SLC24A3: variants seen among roughly 807,000 people sequenced by gnomAD.
SLC24A3 encodes sodium/potassium/calcium exchanger 3.
SLC24A3 carries 28 observed loss-of-function variants against 75.8 expected under a neutral mutation model. The observed-to-expected ratio is 0.37, with a 90% CI of 0.27 to 0.51. The LOEUF is 0.51. Among genes scored for constraint, SLC24A3 ranks in the 20% least tolerant of loss-of-function variants. SLC24A3 has a pLI of 0.94. For synonymous variants in SLC24A3, 372 were observed against 334.1 expected (o/e 1.11, Z -1.24); for missense variants, 663 against 847.8 (o/e 0.78, Z 2.71).
intron 15 of SLC24A3, among the ~76,000 whole-genome samples, chr20:19,707,531 C>CT (rs2032943662): frequency 6.6e-6 from 1 of 152,210 alleles, no homozygotes; most frequent in Non-Finnish European, 1.5e-5. Context: ...GCATGATTCA[C>CT]TTTACATTTT....
At chr20:19,498,896 G>A (rs551961028) in intron 2 of SLC24A3, among the ~76,000 whole-genome samples, 8 of 152,286 alleles carry the variant, frequency 5.3e-5, no homozygotes, top group African/African-American at 1.9e-4. Flanking sequence ...TTTCCTCCTG[G>A]CACTCTCTTG....
intron 1 of SLC24A3, among the ~76,000 whole-genome samples, chr20:19,217,496 A>C (rs1003460233): frequency 6.6e-6 from 1 of 152,258 alleles, no homozygotes; most frequent in East Asian, 1.9e-4. Context: ...TCTTCCATTC[A>C]TGAAAATATT....
At chr20:19,225,553 A>G (rs2122139416) in intron 1 of SLC24A3, among the ~76,000 whole-genome samples, 1 of 152,264 alleles carries the variant, frequency 6.6e-6, no homozygotes, top group South Asian at 2.1e-4. Context: ...AGGGTGCAGA[A>G]CAATATATCA....
chr20:19,406,543 T>TTTTTTTTTTTTTTTCTTTTTTA (rs1986649808), intron 2 of SLC24A3, among the ~76,000 whole-genome samples: 1 of 152,246 alleles, frequency 6.6e-6, no homozygotes, highest in Admixed American at 6.5e-5. Context: ...ATGTGATTTC[T>TTTTTTTTTTTTTTTCTTTTTTA]ACCTTAAAGG....
intron 2 of SLC24A3, among the ~76,000 whole-genome samples, chr20:19,500,601 T>A (rs988693217): frequency 6.6e-6 from 1 of 152,212 alleles, no homozygotes; most frequent in Admixed American, 6.5e-5. Context: ...CCTCCATAAA[T>A]CTATATGAAA....
rs144441319 is a variant in SLC24A3 at position 19,685,164 on chromosome 20, C to G, written c.1127C>G (p.Pro376Arg). The G allele has an allele frequency of 6.2e-7, 1 of 1,614,096 alleles. No individual in the cohort carries two copies. Among genetic ancestry groups the G allele is most frequent in the Admixed American group, 1.7e-5 (1 of 60,008 alleles). ...GAATCTGAGGTGGCCATCAAAATCC[C>G]AATTAAGCACACCGTGGAGAATGGG... ...NGESEVAIKI[P>R]IKHTVENGTG... Residue 376 changes from proline (P) to arginine (R), a missense_variant, in exon 12 of 17, where the codon CCA becomes CGA. Physicochemically the swap from Pro to Arg is moderately radical, Grantham distance 103 (BLOSUM62 -2). Around this residue, in one of 2 missense-constraint regions of SLC24A3, gnomAD observed 510 missense variants for 703.6 expected, o/e 0.72. Transcript: ENST00000328041.
chr20:19,455,097 A>G (rs1231968177), intron 2 of SLC24A3, among the ~76,000 whole-genome samples: 1 of 152,170 alleles, frequency 6.6e-6, no homozygotes, highest in African/African-American at 2.4e-5. Flanking sequence ...TTCCCAAGCT[A>G]AGCATTTGCA....
At chr20:19,431,914 T>C (rs536253125) in intron 2 of SLC24A3, among the ~76,000 whole-genome samples, 4 of 151,928 alleles carry the variant, frequency 2.6e-5, no homozygotes, top group African/African-American at 9.7e-5. Flanking sequence ...ACTTTCTGGA[T>C]GGTGAGGGGA....
Position 19,721,498 on chromosome 20 carries a change from A to T in SLC24A3, c.*358A>T. On this transcript the variant is annotated 3_prime_UTR_variant, in exon 17 of 17. Coordinates refer to ENST00000328041, the MANE Select transcript of SLC24A3 (RefSeq NM_020689.4). ...CCCTCCTCCTTTTTTAAGTTATTTG[A>T]TGGAAGACTCACCTAATTTGTGACC... 5.0e-6 allele frequency: 1 copy of T among 200,962 alleles called. No homozygotes were observed. The highest frequency in any genetic ancestry group is 1.0e-5 in the Non-Finnish European group (1 of 99,974). The allele number at this position is 200,962 out of a possible 1,614,324, so 12.4% of individuals were successfully genotyped here. A position where few individuals can be genotyped will look rare whatever the true frequency, so the allele number is the denominator to read the frequency against.
intron 2 of SLC24A3, among the ~76,000 whole-genome samples, chr20:19,366,968 C>A (rs1187254399): frequency 6.6e-6 from 1 of 152,174 alleles, no homozygotes; most frequent in African/African-American, 2.4e-5. Flanking sequence ...TACTTTGAAA[C>A]AGATGCACCA....
chr20:19,439,330 C>T (rs187958109), intron 2 of SLC24A3, among the ~76,000 whole-genome samples: 6 of 152,292 alleles, frequency 3.9e-5, no homozygotes, highest in East Asian at 3.9e-4. Flanking sequence ...ACCAAATTTT[C>T]GTCTTTGTAT....
intron 6 of SLC24A3, among the ~76,000 whole-genome samples, chr20:19,620,425 C>T (rs2031788784): frequency 6.6e-6 from 1 of 152,132 alleles, no homozygotes; most frequent in African/African-American, 2.4e-5. Flanking sequence ...CAAGGAGAAA[C>T]ATTACAGAGG....
At chr20:19,390,604 T>C (rs1320724234) in intron 2 of SLC24A3, among the ~76,000 whole-genome samples, 1 of 152,084 alleles carries the variant, frequency 6.6e-6, no homozygotes, top group African/African-American at 2.4e-5. Flanking sequence ...CAGAATTAAA[T>C]GCTGAGTTTG....
chr20:19,414,815 G>A (rs887448173), intron 2 of SLC24A3, among the ~76,000 whole-genome samples: 5 of 152,136 alleles, frequency 3.3e-5, no homozygotes, highest in Non-Finnish European at 5.9e-5. Flanking sequence ...TCAATCTGTG[G>A]ACAAATAACC....
chr20:19,375,060 C>G (rs1013802487), intron 2 of SLC24A3, among the ~76,000 whole-genome samples: 5 of 152,152 alleles, frequency 3.3e-5, no homozygotes, highest in African/African-American at 1.2e-4. Flanking sequence ...GCCTCATTGG[C>G]TGGTGTCTCT....
At chr20:19,383,893 G>A (rs1188257414) in intron 2 of SLC24A3, among the ~76,000 whole-genome samples, 1 of 152,010 alleles carries the variant, frequency 6.6e-6, no homozygotes, top group Non-Finnish European at 1.5e-5. Flanking sequence ...CCTCCCAAAC[G>A]CCCATCTCCT....
intron 2 of SLC24A3, among the ~76,000 whole-genome samples, chr20:19,416,723 T>C (rs1175217954): frequency 1.3e-5 from 2 of 152,184 alleles, no homozygotes; most frequent in African/African-American, 4.8e-5. Context: ...AATTTTAGGT[T>C]TGGAACCAAG....
At chr20:19,633,999 G>A (rs2031969673) in intron 6 of SLC24A3, among the ~76,000 whole-genome samples, 1 of 152,076 alleles carries the variant, frequency 6.6e-6, no homozygotes. Context: ...TTCTATATCT[G>A]CCATAAAATA....
intron 3 of SLC24A3, among the ~76,000 whole-genome samples, chr20:19,552,283 C>T (rs1247983628): frequency 6.6e-6 from 1 of 152,196 alleles, no homozygotes; most frequent in Non-Finnish European, 1.5e-5. Context: ...CTCCCACATT[C>T]CCAAATCACC....
Sources: gnomAD v4.1 joint callset for allele counts (sites outside exome capture counted in the v4.1 genomes callset) on GRCh38, gnomAD v4.1.1 for gene constraint, gnomAD v4.1.1 regional missense constraint, MANE v1.5 for transcripts, NCBI Gene and HGNC (gene_info 2026-07-23, HGNC 2026-07-21) for gene names.